UBASH3A: variants seen among roughly 807,000 people sequenced by gnomAD.
UBASH3A encodes the protein ubiquitin associated and SH3 domain containing A.
UBASH3A carries 63 observed loss-of-function variants against 73.5 expected under a neutral mutation model. The ratio of observed to expected loss-of-function variants is 0.86; its 90% CI spans 0.70 to 1.06. UBASH3A has a LOEUF of 1.06. Ranked by LOEUF, UBASH3A falls within the 50% of genes least tolerant of loss-of-function variation. UBASH3A has a pLI of 0.00. For missense variants in UBASH3A, 860 were observed against 859.0 expected (o/e 1.00, Z -0.02); for synonymous variants, 363 against 351.1 (o/e 1.03, Z -0.38).
At chr21:42,434,163 G>A (rs139178256) in intron 9 of UBASH3A, among the ~76,000 whole-genome samples, 7 of 152,100 alleles carry the variant, frequency 4.6e-5, no homozygotes, top group South Asian at 2.1e-4. Flanking sequence ...CTGACACCTC[G>A]CAATCGCTAC....
chr21:42,437,540 A>G lies in UBASH3A; in HGVS notation c.1446A>G (p.Pro482=). ...GAATCAGCTCTGTGTTTGCCTCCCC[A>G]GCCCTCCGCTGTGTGCAGACGGCCA... ...GIRISSVFAS[P]ALRCVQTAKL... Residue 482 remains proline, a synonymous_variant, in exon 11 of 15, where the codon CCA becomes CCG. Transcript: ENST00000319294. The G allele has an allele frequency of 2.5e-6, 4 of 1,614,240 alleles. No homozygotes were observed. The highest frequency in any genetic ancestry group is 3.4e-6 in the Non-Finnish European group (4 of 1,180,036).
intron 13 of UBASH3A, 51 bp downstream of exon 13, chr21:42,443,469 T>G: frequency 6.8e-7 from 1 of 1,473,518 alleles, no homozygotes; most frequent in African/African-American, 1.4e-5. Context: ...CTTGGGGAAT[T>G]ATCTCTGAGA....
At chr21:42,416,222 C>T (rs2053203314) in intron 5 of UBASH3A, among the ~76,000 whole-genome samples, 1 of 151,952 alleles carries the variant, frequency 6.6e-6, no homozygotes, top group Non-Finnish European at 1.5e-5. Flanking sequence ...CCGATAGGCC[C>T]CCGAGACCCT....
rs1453200511 is a variant in UBASH3A at position 42,434,952 on chromosome 21, C to T, written c.1391C>T (p.Ala464Val). The T allele has an allele frequency of 1.2e-6, 2 of 1,613,962 alleles. No individual in the cohort carries two copies. Among genetic ancestry groups the T allele is most frequent in the Non-Finnish European group, 1.7e-6 (2 of 1,179,946 alleles). Reference protein sequence around the residue: ...SSCGIFQSRIAGDALLDSGIR... With the variant: ...SSCGIFQSRIVGDALLDSGIR... ...TGTGGCATTTTCCAGTCCAGAATTG[C>T]AGGTATGTTTGAGGACTGTCTAGTA... Residue 464 changes from alanine (A) to valine (V), a missense_variant and splice_region_variant, in exon 10 of 15, where the codon GCA becomes GTA. Physicochemically the swap from Ala to Val is moderately conservative, Grantham distance 64 (BLOSUM62 0). Coordinates refer to ENST00000319294, the MANE Select transcript of UBASH3A (RefSeq NM_018961.4).
At chr21:42,441,088 C>T (rs2053732422) in intron 11 of UBASH3A, among the ~76,000 whole-genome samples, 1 of 152,082 alleles carries the variant, frequency 6.6e-6, no homozygotes, top group South Asian at 2.1e-4. Context: ...GGTGATGATG[C>T]CTGTTTAAAG....
chr21:42,414,260 C>T (rs1162013312), intron 5 of UBASH3A, among the ~76,000 whole-genome samples: 1 of 152,194 alleles, frequency 6.6e-6, no homozygotes, highest in Non-Finnish European at 1.5e-5. Context: ...CCTGTAAATC[C>T]ATCCCTGAAT....
chr21:42,407,083 G>A (rs2052991977), intron 2 of UBASH3A, among the ~76,000 whole-genome samples: 1 of 152,134 alleles, frequency 6.6e-6, no homozygotes, highest in African/African-American at 2.4e-5. Flanking sequence ...GACCTCACCA[G>A]GTACCAGCTG....
rs373932475 is a variant in UBASH3A, at chr21:42,409,542, G to A, written c.288G>A (p.Lys96=). 3 of 1,614,034 alleles carry A rather than the reference G, an allele frequency of 1.9e-6. No homozygotes were observed. The African/African-American group carries it at 4.0e-5, about 22-fold the overall frequency. The change falls in exon 3 of 15, where the codon AAG becomes AAA. Residue 96 remains lysine, a synonymous_variant. Transcript: ENST00000319294. ...EKLQEFWRES[K]RQCAKNRAHE... is the part of the protein sequence containing the mutation. Reference sequence around the variant, plus strand: ...TTCAAGAGTTCTGGAGAGAGAGCAAGCGCCAGTGTGCAAAGAACAGAGCTC... The same window carrying A: ...TTCAAGAGTTCTGGAGAGAGAGCAAACGCCAGTGTGCAAAGAACAGAGCTC...
intron 10 of UBASH3A, among the ~76,000 whole-genome samples, chr21:42,435,928 G>C (rs1201639272): frequency 6.6e-6 from 1 of 151,712 alleles, no homozygotes; most frequent in Non-Finnish European, 1.5e-5. Flanking sequence ...GAGTTATAGA[G>C]TCATAGAGTT....
At chr21:42,417,878 CTTTT>C (rs796939696) in intron 6 of UBASH3A, among the ~76,000 whole-genome samples, 6,374 of 90,336 alleles carry the variant, frequency 0.071, 97 homozygotes, top group East Asian at 0.27. Flanking sequence ...TTCTTTTTTT[CTTTT>C]TTTTTTTTTT....
chr21:42,413,655 GC>G lies in UBASH3A; in HGVS notation c.667+134del. The G allele has an allele frequency of 1.4e-6, 1 of 698,750 alleles. No individual in the cohort carries two copies. The highest frequency in any genetic ancestry group is 2.4e-6 in the Non-Finnish European group (1 of 424,764). The allele number at this position is 698,750 out of a possible 1,614,324, so 43.3% of individuals were successfully genotyped here. ...CTGGGAAAGTGCCCCAGAAGGGTGT[GC>G]CAAGCATCAAGCCTGAGTGGGTGAC... On this transcript the variant is annotated intron_variant, in intron 5 of 14. Coordinates refer to ENST00000319294, the MANE Select transcript of UBASH3A (RefSeq NM_018961.4). The surrounding 1 kb of genome is among the most constrained non-coding windows in gnomAD (Gnocchi z 4.5).
intron 12 of UBASH3A, 21 bp downstream of exon 12, chr21:42,442,617 C>G: frequency 6.3e-7 from 1 of 1,587,170 alleles, no homozygotes. Context: ...CTAAAGTTCT[C>G]TGCCACTGGG....
At chr21:42,407,088 C>T (rs1343980135) in intron 2 of UBASH3A, among the ~76,000 whole-genome samples, 1 of 152,072 alleles carries the variant, frequency 6.6e-6, no homozygotes, top group Non-Finnish European at 1.5e-5. Flanking sequence ...CACCAGGTAC[C>T]AGCTGCGTGA....
At chr21:42,430,172 A>G (rs1187780682) in intron 8 of UBASH3A, among the ~76,000 whole-genome samples, 1 of 152,098 alleles carries the variant, frequency 6.6e-6, no homozygotes, top group African/African-American at 2.4e-5. Flanking sequence ...TTCCCTAGGT[A>G]CAGGGACACC....
Position 42,418,620 on chromosome 21 carries a change from C to G in UBASH3A, c.1046+11C>G. 6.2e-7 allele frequency: 1 copy of G among 1,610,748 alleles called. No individual in the cohort carries two copies. The highest frequency in any genetic ancestry group is 1.7e-4 in the Middle Eastern group (1 of 5,986). ...GTGGGTGAAGCACAGGTGAGTGCTG[C>G]CTCTGGCTGCAGCCCCGTCATCTCT... On this transcript the variant is annotated intron_variant, in intron 7 of 14. Coordinates refer to ENST00000319294, the MANE Select transcript of UBASH3A (RefSeq NM_018961.4).
intron 7 of UBASH3A, among the ~76,000 whole-genome samples, chr21:42,424,369 C>A (rs2053398177): frequency 6.6e-6 from 1 of 152,344 alleles, no homozygotes; most frequent in Middle Eastern, 3.4e-3. Flanking sequence ...CCAGCCTCAG[C>A]CTCCGTGCCA....
At chr21:42,442,218 CACA>C (rs1456990176) in intron 11 of UBASH3A, among the ~76,000 whole-genome samples, 11 of 152,312 alleles carry the variant, frequency 7.2e-5, no homozygotes, top group Non-Finnish European at 1.6e-4. Flanking sequence ...CCCTTCCTGG[CACA>C]CAGGGGGCCA....
chr21:42,437,633 C>A, intron 11 of UBASH3A, 53 bp downstream of exon 11: 1 of 1,509,788 alleles, frequency 6.6e-7, no homozygotes, highest in Non-Finnish European at 9.2e-7. Flanking sequence ...TGGGGCTATT[C>A]TCCAAGGGGA....
chr21:42,412,338 G>A (rs2053116472), intron 3 of UBASH3A, among the ~76,000 whole-genome samples: 1 of 152,182 alleles, frequency 6.6e-6, no homozygotes, highest in Admixed American at 6.5e-5. Flanking sequence ...GCATCAGAAA[G>A]AGGGTCCTGC....
Sources: gnomAD v4.1 joint callset for allele counts (sites outside exome capture counted in the v4.1 genomes callset) on GRCh38, gnomAD v4.1.1 for gene constraint, Gnocchi (gnomAD v3.1) non-coding constraint, MANE v1.5 for transcripts, NCBI Gene and HGNC (gene_info 2026-07-23, HGNC 2026-07-21) for gene names.